MSN: variants seen among roughly 807,000 people sequenced by gnomAD.
The protein encoded by MSN is epididymis luminal protein 70.
In MSN, 2 loss-of-function variants were observed where a neutral mutation model predicts 48.0. That is an observed-to-expected ratio of 0.04 (90% confidence interval 0.02 to 0.13). The LOEUF (loss-of-function observed/expected upper bound fraction) is 0.13, where lower values mean the gene tolerates loss of function less well. MSN is among the 10% of genes least tolerant of loss of function. The pLI is 1.00. For missense variants in MSN, 267 were observed against 470.1 expected (o/e 0.57, Z 3.99); for synonymous variants, 146 against 166.9 (o/e 0.87, Z 0.97).
At chrX:65,658,905 C>CGCAAACTTGGCTCACT (rs1556359787) in intron 1 of MSN, among the ~76,000 whole-genome samples, 7 of 104,065 alleles carry the variant, frequency 6.7e-5, no homozygotes, top group Non-Finnish European at 7.9e-5. Flanking sequence ...AGTGCAATGG[C>CGCAAACTTGGCTCACT]GCAACCTTGG....
chrX:65,616,102 A>G (rs1473987262), intron 1 of MSN, among the ~76,000 whole-genome samples: 4 of 111,550 alleles, frequency 3.6e-5, no homozygotes, highest in Non-Finnish European at 7.5e-5. Flanking sequence ...TGTTTTGGTT[A>G]CTGTAGCCTT....
intron 1 of MSN, among the ~76,000 whole-genome samples, chrX:65,708,932 C>T (rs1247054534): frequency 8.9e-6 from 1 of 112,005 alleles, no homozygotes; most frequent in Non-Finnish European, 1.9e-5. Flanking sequence ...ATCTGCCCAT[C>T]TCAGCCACCC....
chrX:65,733,076 G>C, intron 6 of MSN, 108 bp from the exon 7 acceptor site: 1 of 518,334 alleles, frequency 1.9e-6, no homozygotes, highest in Non-Finnish European at 3.2e-6. Context: ...AAAAAAAAGA[G>C]AGAGAGAGAC....
At chrX:65,646,878 C>T (rs1319405356) in intron 1 of MSN, among the ~76,000 whole-genome samples, 4 of 111,050 alleles carry the variant, frequency 3.6e-5, no homozygotes, top group South Asian at 3.8e-4. Context: ...ACCCGGGGAG[C>T]GGAGGTTGTG....
chrX:65,711,963 CTAT>C (rs1209215428), intron 1 of MSN, among the ~76,000 whole-genome samples: 1 of 111,499 alleles, frequency 9.0e-6, no homozygotes, highest in Non-Finnish European at 1.9e-5. Context: ...AGAATGAAGT[CTAT>C]TATTCTAAAA....
At chrX:65,736,725 C>T (rs1457688117) in intron 8 of MSN, 70 bp from the exon 9 acceptor site, 17 of 1,109,767 alleles carry the variant, frequency 1.5e-5, no homozygotes, top group African/African-American at 7.4e-5. Context: ...TGTGAGCCAC[C>T]GCGCCTGGCC....
chrX:65,596,230 C>T (rs2070185601), intron 1 of MSN, among the ~76,000 whole-genome samples: 1 of 111,160 alleles, frequency 9.0e-6, no homozygotes, highest in Admixed American at 9.6e-5. Flanking sequence ...TTCTAGTCTC[C>T]AAGAAACCTC....
At chrX:65,729,756 T>C in intron 4 of MSN, 44 bp downstream of exon 4, 1 of 1,174,899 alleles carries the variant, frequency 8.5e-7, no homozygotes, top group Non-Finnish European at 1.1e-6. Flanking sequence ...CATAAGGGGC[T>C]GCAGCCCACA....
chrX:65,735,119 A>G (rs755851923), intron 7 of MSN, 148 bp from the exon 8 acceptor site: 2 of 661,164 alleles, frequency 3.0e-6, no homozygotes, highest in Non-Finnish European at 4.6e-6. Context: ...AAGTCACTTT[A>G]CCACTCTGAT....
chrX:65,621,072 C>T (rs1286813763), intron 1 of MSN, among the ~76,000 whole-genome samples: 5 of 109,561 alleles, frequency 4.6e-5, no homozygotes, highest in East Asian at 2.9e-4. Context: ...TGTGCCACCA[C>T]GCCTGGCTAA....
intron 1 of MSN, among the ~76,000 whole-genome samples, chrX:65,705,271 A>C (rs1185923571): frequency 1.8e-5 from 2 of 111,856 alleles, no homozygotes; most frequent in Non-Finnish European, 3.8e-5. Context: ...GTTGAAGTTC[A>C]GAAGGGAGAA....
Position 65,727,972 on chromosome X carries a change from G to A in MSN, c.192+63G>A, listed in dbSNP as rs1216180116. 14 of 1,038,612 alleles carry A rather than the reference G, an allele frequency of 1.3e-5. No individual in the cohort carries two copies. The East Asian group carries it at 3.4e-4, about 25-fold the overall frequency. The allele number at this position is 1,038,612 out of a possible 1,213,427, so 85.6% of individuals were successfully genotyped here. On this transcript the variant is annotated intron_variant, in intron 3 of 12. Transcript: ENST00000360270. ...TCTTTTCCAGAACATTCCTGGGAGG[G>A]TACCATGTGCTAGTTGGCAAATCCT...
chrX:65,711,495 C>T (rs1030993264), intron 1 of MSN, among the ~76,000 whole-genome samples: 4 of 112,419 alleles, frequency 3.6e-5, no homozygotes, highest in African/African-American at 6.5e-5. Flanking sequence ...CATACCCGGC[C>T]CCTAACATAC....
intron 1 of MSN, among the ~76,000 whole-genome samples, chrX:65,653,314 G>A (rs2070755529): frequency 9.0e-6 from 1 of 111,463 alleles, no homozygotes; most frequent in Admixed American, 9.6e-5. Flanking sequence ...CTGAGACATA[G>A]CCACATATGG....
At chrX:65,625,819 G>T (rs1338172394) in intron 1 of MSN, 1 of 88,055 alleles carries the variant, frequency 1.1e-5, no homozygotes, top group Non-Finnish European at 1.9e-5. Flanking sequence ...TTTGATTTTT[G>T]TATTTCTTTT....
rs766526402 is a variant in MSN, at chrX:65,694,624, C to T, written c.13-22194C>T. Among the ~76,000 whole-genome samples, 7 of 112,273 alleles carry T rather than the reference C, an allele frequency of 6.2e-5. No homozygotes were observed. In the South Asian group the frequency reaches 1.5e-3, roughly 24 times the overall value. ...GATTACAGGCGTGAGCCACCACGCC[C>T]GGCACTCTTTACGGTTTTGTTTTAA... On this transcript the variant is annotated intron_variant, in intron 1 of 12. Transcript: ENST00000360270.
intron 1 of MSN, among the ~76,000 whole-genome samples, chrX:65,668,973 G>A (rs1449173450): frequency 9.0e-6 from 1 of 111,251 alleles, no homozygotes; most frequent in Non-Finnish European, 1.9e-5. Flanking sequence ...AAGGTCCCCT[G>A]GGATGAGAGG....
chrX:65,703,139 C>A (rs1273826883), intron 1 of MSN, among the ~76,000 whole-genome samples: 1 of 111,359 alleles, frequency 9.0e-6, no homozygotes, highest in East Asian at 2.8e-4. Context: ...TTAAATTATT[C>A]CTGACAGGTA....
intron 6 of MSN, among the ~76,000 whole-genome samples, chrX:65,732,358 T>G (rs987744517): frequency 8.9e-6 from 1 of 112,721 alleles, no homozygotes; most frequent in African/African-American, 3.2e-5. Context: ...TGATAATATT[T>G]TAGATATATT....
Sources: allele counts gnomAD v4.1 joint callset (sites outside exome capture counted in the v4.1 genomes callset), GRCh38; gene constraint gnomAD v4.1.1; transcripts MANE v1.5; gene names NCBI Gene and HGNC (gene_info 2026-07-23, HGNC 2026-07-21).